Variants in KCTD16 observed in about 807,000 individuals in gnomAD.
KCTD16 encodes BTB/POZ domain-containing protein KCTD16.
A neutral mutation model predicts 33.2 loss-of-function variants in KCTD16; 13 were observed. The ratio of observed to expected loss-of-function variants is 0.39; its 90% CI spans 0.25 to 0.62. The LOEUF (loss-of-function observed/expected upper bound fraction) is 0.62. KCTD16 is among the 20% of genes least tolerant of loss of function. The pLI is 0.50. For synonymous variants in KCTD16, 197 were observed against 195.3 expected, an observed-to-expected ratio of 1.01 and a Z score of -0.07; for missense variants, 441 against 525.1, an observed-to-expected ratio of 0.84 and a Z score of 1.57.
Position 144,349,633 on chromosome 5 carries a change from G to C in KCTD16, c.833-124027G>C, listed in dbSNP as rs189440823. ...ACCTCCAGACTTAGCCTAGAAGATG[G>C]AGAAGGGCCTGGTCTTCAGTCTGTG... On this transcript the variant is annotated intron_variant, in intron 3 of 3. Coordinates refer to ENST00000512467, the MANE Select transcript of KCTD16 (RefSeq NM_020768.4). Among the ~76,000 whole-genome samples the C allele has an allele frequency of 2.6e-5, 4 of 152,294 alleles. No homozygotes were observed. The East Asian group carries it at 7.7e-4, about 29-fold the overall frequency.
At position 144,206,807 on chromosome 5, in the gene KCTD16, CG is replaced by C; in HGVS notation, c.98del (p.Gly33ValfsTer11). On this transcript the variant is annotated frameshift_variant, in exon 3 of 4. Transcript: ENST00000512467. LOFTEE classifies it high-confidence loss of function. The part of the protein sequence containing the change: ...SFPEVVELNV[G>X]GQVYFTRHST... The stretch of plus-strand genomic sequence containing the variant: ...TCCCTGAGGTGGTAGAGCTGAATGT[CG>C]GGGGTCAAGTTTATTTTACTCGCCA... The C allele has an allele frequency of 6.2e-7, 1 of 1,614,092 alleles. No homozygotes were observed. The highest frequency in any genetic ancestry group is 8.5e-7 in the Non-Finnish European group (1 of 1,180,006).
chr5:144,470,327 G>A (rs942436679), intron 3 of KCTD16, among the ~76,000 whole-genome samples: 2 of 152,134 alleles, frequency 1.3e-5, no homozygotes, highest in Admixed American at 6.6e-5. Flanking sequence ...CTTGTAATTA[G>A]GTTCTTGGGA....
chr5:144,401,578 A>T (rs1414638853), intron 3 of KCTD16, among the ~76,000 whole-genome samples: 2 of 152,166 alleles, frequency 1.3e-5, no homozygotes, highest in African/African-American at 2.4e-5. Flanking sequence ...TTGAGAAGTG[A>T]GAGTGGGCAG....
intron 2 of KCTD16, among the ~76,000 whole-genome samples, chr5:144,191,348 G>T (rs1395417529): frequency 6.6e-6 from 1 of 152,132 alleles, no homozygotes; most frequent in African/African-American, 2.4e-5. Flanking sequence ...ACAGAATTAA[G>T]TTCAAACTCC....
At chr5:144,289,040 A>C (rs964521524) in intron 3 of KCTD16, among the ~76,000 whole-genome samples, 6 of 152,052 alleles carry the variant, frequency 3.9e-5, no homozygotes. Context: ...AAACAAACAA[A>C]AAAACAAGCA....
At position 144,296,543 on chromosome 5, in the gene KCTD16, A is replaced by T. The variant is rs1373522774; in HGVS notation, c.832+88997A>T. 2.0e-5 allele frequency among the ~76,000 whole-genome samples: 3 copies of T among 152,180 alleles called. No homozygotes were observed. In the East Asian group the frequency reaches 5.8e-4, roughly 29 times the overall value. ...ATATAATAAAATAATCAAATCTTAA[A>T]ACTGTGTCTATGCTATAGGGATCCT... On this transcript the variant is annotated intron_variant, in intron 3 of 3. Transcript: ENST00000512467.
chr5:144,177,543 T>A (rs1345938621), intron 2 of KCTD16, among the ~76,000 whole-genome samples: 1 of 152,200 alleles, frequency 6.6e-6, no homozygotes, highest in Non-Finnish European at 1.5e-5. Flanking sequence ...TTCTGGTGCT[T>A]TGAAAGCAAT....
intron 3 of KCTD16, among the ~76,000 whole-genome samples, chr5:144,349,714 C>CATTG (rs1465480787): frequency 6.6e-6 from 1 of 152,174 alleles, no homozygotes; most frequent in Non-Finnish European, 1.5e-5. Context: ...ATCTGTCAGG[C>CATTG]ATTGCCCTGG....
chr5:144,439,306 AAACCC>A, intron 3 of KCTD16: 1 of 477,160 alleles, frequency 2.1e-6, no homozygotes, highest in East Asian at 5.8e-5. Context: ...CTGGTCCCTA[AAACCC>A]ACTTGAATTG....
chr5:144,291,823 A>G (rs1195677704), intron 3 of KCTD16, among the ~76,000 whole-genome samples: 2 of 152,218 alleles, frequency 1.3e-5, no homozygotes, highest in African/African-American at 4.8e-5. Context: ...GACAGCTACC[A>G]CATACCGTGT....
chr5:144,424,802 A>G (rs985430437), intron 3 of KCTD16, among the ~76,000 whole-genome samples: 23 of 152,248 alleles, frequency 1.5e-4, no homozygotes, highest in Admixed American at 1.3e-3. Context: ...TCATTAATCC[A>G]TTCATGAGAG....
intron 2 of KCTD16, among the ~76,000 whole-genome samples, chr5:144,203,813 G>T (rs1358231882): frequency 6.6e-6 from 1 of 152,194 alleles, no homozygotes; most frequent in African/African-American, 2.4e-5. Flanking sequence ...GTCATGGTGA[G>T]CAGTGCATGC....
chr5:144,176,464 G>A (rs1462399098), intron 2 of KCTD16, among the ~76,000 whole-genome samples: 2 of 141,450 alleles, frequency 1.4e-5, no homozygotes, highest in South Asian at 2.3e-4. Context: ...CTGCAGTGGC[G>A]CAATCTCGGC....
At chr5:144,332,785 C>A (rs181577107) in intron 3 of KCTD16, among the ~76,000 whole-genome samples, 17 of 152,116 alleles carry the variant, frequency 1.1e-4, no homozygotes, top group Non-Finnish European at 2.4e-4. Context: ...TTAGTTCTCA[C>A]GCTGCTAATA....
chr5:144,219,220 T>A (rs1394134110), intron 3 of KCTD16, among the ~76,000 whole-genome samples: 3 of 152,092 alleles, frequency 2.0e-5, no homozygotes, highest in South Asian at 4.1e-4. Context: ...TTTTTATTTT[T>A]TTTATTTTTT....
At chr5:144,213,459 T>G (rs1342392580) in intron 3 of KCTD16, among the ~76,000 whole-genome samples, 4 of 151,984 alleles carry the variant, frequency 2.6e-5, no homozygotes, top group Admixed American at 2.6e-4. Context: ...AACTTACTTG[T>G]TTCATGAAAT....
chr5:144,297,583 C>T (rs975377354), intron 3 of KCTD16, among the ~76,000 whole-genome samples: 8 of 152,100 alleles, frequency 5.3e-5, no homozygotes, highest in African/African-American at 1.9e-4. Context: ...CATATCCCAG[C>T]GAGAGATAGG....
chr5:144,444,008 G>A (rs1475789181), intron 3 of KCTD16, among the ~76,000 whole-genome samples: 3 of 151,926 alleles, frequency 2.0e-5, no homozygotes, highest in Non-Finnish European at 2.9e-5. Flanking sequence ...GGTATTCCAG[G>A]ATTATCTTGT....
At chr5:144,240,360 TTTC>T (rs1167224396) in intron 3 of KCTD16, among the ~76,000 whole-genome samples, 2 of 152,134 alleles carry the variant, frequency 1.3e-5, no homozygotes, top group African/African-American at 4.8e-5. Flanking sequence ...CATTCCTTTC[TTTC>T]TTCATTTCAG....
Sources: allele counts gnomAD v4.1 joint callset (sites outside exome capture counted in the v4.1 genomes callset), GRCh38; gene constraint gnomAD v4.1.1; transcripts MANE v1.5; gene names NCBI Gene and HGNC (gene_info 2026-07-23, HGNC 2026-07-21).